The following CHN2 variants were observed in gnomAD, a reference collection of about 807,000 sequenced individuals.
CHN2 encodes the protein chimerin 2.
In CHN2, 35 loss-of-function variants were observed where a neutral mutation model predicts 56.3. The observed-to-expected ratio is 0.62, with a 90% confidence interval of 0.47 to 0.82. The LOEUF (loss-of-function observed/expected upper bound fraction) is 0.82. Ranked by LOEUF, CHN2 falls within the 40% of genes least tolerant of loss-of-function variation. The pLI, the probability that CHN2 is intolerant of heterozygous loss-of-function variation, is 0.00. For synonymous variants in CHN2, 210 were observed against 212.8 expected, an observed-to-expected ratio of 0.99 and a Z score of 0.12; for missense variants, 491 against 580.5, an observed-to-expected ratio of 0.85 and a Z score of 1.58.
chr7:29,416,830 C>G (rs1026598316), intron 6 of CHN2, among the ~76,000 whole-genome samples: 1 of 152,204 alleles, frequency 6.6e-6, no homozygotes, highest in Admixed American at 6.5e-5. Flanking sequence ...TACTGACTCT[C>G]ATAGAATATA....
intron 3 of CHN2, among the ~76,000 whole-genome samples, chr7:29,386,818 G>A (rs933399230): frequency 7.2e-5 from 11 of 152,158 alleles, no homozygotes; most frequent in Middle Eastern, 3.2e-3. Context: ...AAATTTTTCC[G>A]AAGTTCACAT....
chr7:29,204,117 A>G (rs1490109839), intron 1 of CHN2, among the ~76,000 whole-genome samples: 2 of 139,648 alleles, frequency 1.4e-5, no homozygotes, highest in Non-Finnish European at 3.2e-5. Flanking sequence ...GTGTGTGTGT[A>G]GAAAACTCTT....
intron 6 of CHN2, among the ~76,000 whole-genome samples, chr7:29,406,467 G>A (rs1026370328): frequency 6.6e-6 from 1 of 152,158 alleles, no homozygotes; most frequent in Non-Finnish European, 1.5e-5. Flanking sequence ...TGGAGAGCTA[G>A]GTGGGTGCCA....
intron 1 of CHN2, among the ~76,000 whole-genome samples, chr7:29,340,906 C>T (rs745470253): frequency 5.9e-5 from 9 of 152,212 alleles, no homozygotes; most frequent in African/African-American, 9.6e-5. Context: ...TTTTGAGTCA[C>T]GTCAAACAGC....
chr7:29,275,633 C>T (rs933857823), intron 1 of CHN2, among the ~76,000 whole-genome samples: 2 of 152,258 alleles, frequency 1.3e-5, no homozygotes, highest in East Asian at 1.9e-4. Context: ...ATGTAATATA[C>T]GGTCTCACTT....
intron 2 of CHN2, among the ~76,000 whole-genome samples, chr7:29,154,320 A>T (rs1343085798): frequency 6.6e-6 from 1 of 152,188 alleles, no homozygotes; most frequent in Non-Finnish European, 1.5e-5. Flanking sequence ...CTCCATTCGT[A>T]TGCAGTGAAT....
chr7:29,463,720 G>A (rs1269288663), intron 6 of CHN2, among the ~76,000 whole-genome samples: 1 of 152,186 alleles, frequency 6.6e-6, no homozygotes, highest in Non-Finnish European at 1.5e-5. Flanking sequence ...GTCACAATGT[G>A]GAATGCTGGG....
rs576767802 is a variant in CHN2 at position 29,363,179 on chromosome 7, C to T, written c.89-4753C>T. On this transcript the variant is annotated intron_variant, in intron 2 of 12. Coordinates refer to ENST00000222792, the MANE Select transcript of CHN2 (RefSeq NM_004067.4). ...CTGATTCAAGAGGAATAAAGGGACACATATGCATTAAACATGTACTACAAG... is the reference window on the plus strand; with the variant it reads ...CTGATTCAAGAGGAATAAAGGGACATATATGCATTAAACATGTACTACAAG... Among the ~76,000 whole-genome samples, 3 of 152,298 alleles carry T rather than the reference C, an allele frequency of 2.0e-5. No homozygotes were observed. The South Asian group carries it at 6.2e-4, about 32-fold the overall frequency.
At chr7:29,453,028 A>G (rs865903979) in intron 6 of CHN2, among the ~76,000 whole-genome samples, 1 of 152,242 alleles carries the variant, frequency 6.6e-6, no homozygotes. Context: ...TGCAGACTAT[A>G]AAATGCTAGC....
intron 1 of CHN2, among the ~76,000 whole-genome samples, chr7:29,262,961 TTA>T (rs1562873758): frequency 2.0e-5 from 3 of 152,132 alleles, no homozygotes; most frequent in Non-Finnish European, 4.4e-5. Context: ...ATGGTAAAAT[TTA>T]TGTTATATGT....
intron 1 of CHN2, among the ~76,000 whole-genome samples, chr7:29,307,042 A>G (rs1004006144): frequency 2.6e-5 from 4 of 152,178 alleles, no homozygotes; most frequent in Non-Finnish European, 2.9e-5. Context: ...CATTTTGGGG[A>G]CAGCAGGAAA....
chr7:29,431,058 TC>T (rs1782822517), intron 6 of CHN2, among the ~76,000 whole-genome samples: 2 of 152,072 alleles, frequency 1.3e-5, no homozygotes, highest in African/African-American at 4.8e-5. Context: ...GGGCAGAGAA[TC>T]TGCCCCCAAG....
chr7:29,169,745 A>G (rs6956877), intron 2 of CHN2, among the ~76,000 whole-genome samples: 34,139 of 151,726 alleles, frequency 0.23, 5,525 homozygotes, highest in African/African-American at 0.45. Context: ...CCTTCTGACC[A>G]CTGTTTGCTC....
intron 6 of CHN2, 47 bp from the exon 7 acceptor site, chr7:29,480,232 A>C (rs957366214): frequency 1.2e-6 from 2 of 1,614,054 alleles, no homozygotes; most frequent in Non-Finnish European, 1.7e-6. Context: ...GTGGGTGTCA[A>C]AGGCGGCTTT....
At chr7:29,449,017 A>G (rs879572299) in intron 6 of CHN2, among the ~76,000 whole-genome samples, 1 of 152,242 alleles carries the variant, frequency 6.6e-6, no homozygotes, top group Admixed American at 6.5e-5. Context: ...CTGATTTACA[A>G]GTTACCAAGT....
intron 8 of CHN2, among the ~76,000 whole-genome samples, chr7:29,498,921 C>T (rs996492146): frequency 6.6e-6 from 1 of 151,976 alleles, no homozygotes; most frequent in Non-Finnish European, 1.5e-5. Flanking sequence ...ACCACCATGC[C>T]CAGCTAATTT....
chr7:29,435,174 T>C (rs1283596958), intron 6 of CHN2, among the ~76,000 whole-genome samples: 1 of 152,122 alleles, frequency 6.6e-6, no homozygotes, highest in African/African-American at 2.4e-5. Flanking sequence ...CCAGTAAACA[T>C]ATCCATCTGT....
intron 9 of CHN2, among the ~76,000 whole-genome samples, chr7:29,501,204 A>AG (rs1457402260): frequency 6.6e-6 from 1 of 152,166 alleles, no homozygotes; most frequent in Non-Finnish European, 1.5e-5. Context: ...TTTTCTATGG[A>AG]GGGGGAAAAC....
chr7:29,454,817 A>G (rs1784635663), intron 6 of CHN2, among the ~76,000 whole-genome samples: 2 of 152,230 alleles, frequency 1.3e-5, no homozygotes, highest in African/African-American at 2.4e-5. Context: ...ACAGAAACGC[A>G]TGCTTAAAAT....
Sources: gnomAD v4.1 joint callset for allele counts (sites outside exome capture counted in the v4.1 genomes callset) on GRCh38, gnomAD v4.1.1 for gene constraint, MANE v1.5 for transcripts, NCBI Gene and HGNC (gene_info 2026-07-23, HGNC 2026-07-21) for gene names.